Variants in NTM observed in about 807,000 individuals in gnomAD.
The protein encoded by NTM is neurotrimin.
In NTM, 13 loss-of-function variants were observed where a neutral mutation model predicts 42.1. That is an observed-to-expected ratio of 0.31 (90% CI 0.20 to 0.49). The LOEUF (loss-of-function observed/expected upper bound fraction) is 0.49. NTM is among the 20% of genes least tolerant of loss of function. The pLI is 0.99. For synonymous variants in NTM, 187 were observed against 179.2 expected, an observed-to-expected ratio of 1.04 and a Z score of -0.35; for missense variants, 373 against 452.8, an observed-to-expected ratio of 0.82 and a Z score of 1.60.
intron 1 of NTM, among the ~76,000 whole-genome samples, chr11:131,763,020 C>T (rs1170950345): frequency 1.3e-5 from 2 of 152,186 alleles, no homozygotes; most frequent in South Asian, 4.1e-4. Flanking sequence ...GGGAGACAGG[C>T]GGATTCAGGG....
chr11:131,471,871 C>T (rs1952473497), intron 1 of NTM, among the ~76,000 whole-genome samples: 1 of 152,074 alleles, frequency 6.6e-6, no homozygotes, highest in African/African-American at 2.4e-5. Context: ...TCTGTGGAGT[C>T]AGTCTGGAAA....
rs145173714 is a variant in NTM at position 131,600,035 on chromosome 11, C to A, written c.82+229147C>A. On this transcript the variant is annotated intron_variant, in intron 1 of 8. Coordinates refer to ENST00000683400, the MANE Select transcript of NTM (RefSeq NM_001352005.2). Reference sequence around the variant, plus strand: ...AAGAGTACACATCACCTCTCCGAGGCGGCTCACCTCTGGGGTCTGAAGTTG... The same window carrying A: ...AAGAGTACACATCACCTCTCCGAGGAGGCTCACCTCTGGGGTCTGAAGTTG... Among the ~76,000 whole-genome samples the A allele has an allele frequency of 1.4e-4, 22 of 152,334 alleles. 1 individual carries two copies. Among genetic ancestry groups the A allele is most frequent in the African/African-American group, 5.3e-4 (22 of 41,568 alleles).
chr11:131,763,528 A>G (rs2084568360), intron 1 of NTM, among the ~76,000 whole-genome samples: 1 of 152,054 alleles, frequency 6.6e-6, no homozygotes, highest in Admixed American at 6.6e-5. Context: ...TTAGGGGATT[A>G]TATTATCCAA....
At chr11:131,375,774 G>A (rs1329156448) in intron 1 of NTM, among the ~76,000 whole-genome samples, 1 of 149,670 alleles carries the variant, frequency 6.7e-6, no homozygotes, top group Non-Finnish European at 1.5e-5. Context: ...GGTAACCTCT[G>A]AGAACTTTAT....
chr11:131,559,058 A>G (rs2055853979), intron 1 of NTM, among the ~76,000 whole-genome samples: 1 of 152,244 alleles, frequency 6.6e-6, no homozygotes, highest in Non-Finnish European at 1.5e-5. Flanking sequence ...AAAAAATCAA[A>G]TTCAATATCG....
At position 131,978,098 on chromosome 11, in the gene NTM, T is replaced by C. The variant is rs1009697913; in HGVS notation, c.167+66450T>C. ...AAGTCAGATGAGCTGAGCTGTACCTTCTGGAATGCTGAGAATGAGAGCGCA... is the reference window on the plus strand; with the variant it reads ...AAGTCAGATGAGCTGAGCTGTACCTCCTGGAATGCTGAGAATGAGAGCGCA... On this transcript the variant is annotated intron_variant, in intron 2 of 8. Transcript: ENST00000683400. Among the ~76,000 whole-genome samples, 23 of 152,130 alleles carry C rather than the reference T, an allele frequency of 1.5e-4. 1 individual carries two copies. The highest frequency in any genetic ancestry group is 1.4e-3 in the Admixed American group (22 of 15,266).
At chr11:132,004,206 C>G (rs750253443) in intron 2 of NTM, among the ~76,000 whole-genome samples, 7 of 152,074 alleles carry the variant, frequency 4.6e-5, no homozygotes, top group Non-Finnish European at 8.8e-5. Flanking sequence ...TAGGTTGCCA[C>G]TTTTTACCAC....
intron 1 of NTM, among the ~76,000 whole-genome samples, chr11:131,488,978 G>C (rs535993745): frequency 1.3e-5 from 2 of 152,154 alleles, no homozygotes; most frequent in Non-Finnish European, 2.9e-5. Context: ...ATCCAGGAAG[G>C]CATTCATTCA....
intron 1 of NTM, among the ~76,000 whole-genome samples, chr11:131,720,401 C>T (rs915108500): frequency 2.4e-4 from 37 of 152,190 alleles, no homozygotes; most frequent in African/African-American, 8.2e-4. Context: ...TGTGAGGTTG[C>T]CCTGGAAAAC....
intron 1 of NTM, among the ~76,000 whole-genome samples, chr11:131,874,532 A>G (rs1373615818): frequency 6.6e-6 from 1 of 152,224 alleles, no homozygotes; most frequent in Non-Finnish European, 1.5e-5. Flanking sequence ...TCTTAATTGT[A>G]ACATTCAAAT....
At position 132,294,702 on chromosome 11, in the gene NTM, G is replaced by A. The variant is rs149879613; in HGVS notation, c.527-12987G>A. 5.5e-3 allele frequency among the ~76,000 whole-genome samples: 841 copies of A among 152,270 alleles called. 4 individuals are homozygous for A. The highest frequency in any genetic ancestry group is 9.2e-3 in the Admixed American group (140 of 15,292). ...AAGCAGGTGCAGGAAAGTCACAGGA[G>A]CATGTTGAGGCTCATTTTGTAGTGA... On this transcript the variant is annotated intron_variant, in intron 4 of 8. Transcript: ENST00000683400.
intron 1 of NTM, among the ~76,000 whole-genome samples, chr11:131,728,133 A>G (rs371372523): frequency 6.6e-6 from 1 of 151,512 alleles, no homozygotes; most frequent in Admixed American, 6.5e-5. Flanking sequence ...CAAGCAACCA[A>G]TTGCACAGCA....
chr11:131,528,255 A>T (rs959344539), intron 1 of NTM, among the ~76,000 whole-genome samples: 2 of 152,166 alleles, frequency 1.3e-5, no homozygotes, highest in African/African-American at 4.8e-5. Context: ...CTTCAATAGA[A>T]TTCATGTAAG....
chr11:132,086,616 G>A (rs951277325), intron 2 of NTM, among the ~76,000 whole-genome samples: 8 of 152,170 alleles, frequency 5.3e-5, no homozygotes, highest in Non-Finnish European at 1.2e-4. Flanking sequence ...CCTCAATTAA[G>A]ACGCTAAAAG....
At chr11:131,744,082 G>A (rs1413356736) in intron 1 of NTM, among the ~76,000 whole-genome samples, 4 of 152,128 alleles carry the variant, frequency 2.6e-5, no homozygotes. Context: ...TGTCTTTGGG[G>A]ACAGCAACTT....
chr11:132,265,602 T>C (rs4937688), intron 4 of NTM, among the ~76,000 whole-genome samples: 36,840 of 151,940 alleles, frequency 0.24, 5,369 homozygotes, highest in East Asian at 0.67. Flanking sequence ...TCTAGGGGCT[T>C]ATGGAATTTA....
intron 1 of NTM, among the ~76,000 whole-genome samples, chr11:131,598,529 C>T (rs1001167793): frequency 1.3e-5 from 2 of 152,138 alleles, no homozygotes; most frequent in East Asian, 1.9e-4. Flanking sequence ...GTGTGTGTCA[C>T]ATGTGTGCAC....
intron 1 of NTM, among the ~76,000 whole-genome samples, chr11:131,894,627 C>G (rs1293943615): frequency 6.6e-6 from 1 of 152,048 alleles, no homozygotes; most frequent in East Asian, 1.9e-4. Context: ...AACAGAGCAC[C>G]AGTTGTGTTT....
intron 4 of NTM, among the ~76,000 whole-genome samples, chr11:132,295,614 G>A (rs148376323): frequency 4.6e-5 from 7 of 152,224 alleles, no homozygotes; most frequent in African/African-American, 1.7e-4. Flanking sequence ...ATAGACATTT[G>A]AAGGTGGACA....
Sources: allele counts gnomAD v4.1 joint callset (sites outside exome capture counted in the v4.1 genomes callset), GRCh38; gene constraint gnomAD v4.1.1; transcripts MANE v1.5; gene names NCBI Gene and HGNC (gene_info 2026-07-23, HGNC 2026-07-21).